Variants in SYCP1 observed in about 807,000 individuals in gnomAD.
The protein encoded by SYCP1 is cancer/testis antigen 8.
In SYCP1, 64 loss-of-function variants were observed where a neutral mutation model predicts 153.1. That is an observed-to-expected ratio of 0.42 (90% CI 0.34 to 0.51). The LOEUF (loss-of-function observed/expected upper bound fraction) is 0.51. SYCP1 is among the 20% of genes least tolerant of loss of function. The pLI is 0.06. For missense variants in SYCP1, 997 were observed against 1,049.0 expected (o/e 0.95, Z 0.68); for synonymous variants, 384 against 341.8 (o/e 1.12, Z -1.36).
intron 23 of SYCP1, among the ~76,000 whole-genome samples, chr1:114,943,702 C>T (rs1156713126): frequency 2.0e-5 from 3 of 151,550 alleles, no homozygotes; most frequent in Non-Finnish European, 3.0e-5. Context: ...ATTTTAAAGT[C>T]GATGATTGAC....
At chr1:114,949,348 T>C (rs1307923640) in intron 27 of SYCP1, among the ~76,000 whole-genome samples, 1 of 152,196 alleles carries the variant, frequency 6.6e-6, no homozygotes, top group Non-Finnish European at 1.5e-5. Flanking sequence ...GTCCAGTTCT[T>C]ATCGGGAATG....
intron 27 of SYCP1, among the ~76,000 whole-genome samples, chr1:114,976,163 G>T (rs1672780129): frequency 6.6e-6 from 1 of 151,778 alleles, no homozygotes; most frequent in Non-Finnish European, 1.5e-5. Context: ...GAAGGATGCA[G>T]TATGTATTTG....
chr1:114,964,490 G>A (rs560075707), intron 27 of SYCP1, among the ~76,000 whole-genome samples: 1 of 152,102 alleles, frequency 6.6e-6, no homozygotes, highest in African/African-American at 2.4e-5. Context: ...TTTTTTTCTA[G>A]GGTTTTTAAT....
At chr1:114,931,229 T>A (rs921803571) in intron 23 of SYCP1, among the ~76,000 whole-genome samples, 7 of 152,032 alleles carry the variant, frequency 4.6e-5, no homozygotes, top group Non-Finnish European at 1.0e-4. Flanking sequence ...CCACACCTAT[T>A]CAACATTGTA....
At chr1:114,946,015 G>T (rs1670681654) in intron 25 of SYCP1, among the ~76,000 whole-genome samples, 1 of 151,914 alleles carries the variant, frequency 6.6e-6, no homozygotes, top group Non-Finnish European at 1.5e-5. Context: ...AAAATTCAAT[G>T]TTTCCAAAGA....
intron 8 of SYCP1, among the ~76,000 whole-genome samples, chr1:114,864,998 T>C (rs1377000339): frequency 6.6e-6 from 1 of 152,220 alleles, no homozygotes; most frequent in Non-Finnish European, 1.5e-5. Flanking sequence ...TATCTCCTAA[T>C]GCTATCTTGT....
chr1:114,870,521 G>C (rs1665044885), intron 8 of SYCP1, among the ~76,000 whole-genome samples: 1 of 152,144 alleles, frequency 6.6e-6, no homozygotes, highest in South Asian at 2.1e-4. Flanking sequence ...AACAATAAGA[G>C]AAAAGACTTA....
At chr1:114,869,828 C>T (rs1245713656) in intron 8 of SYCP1, among the ~76,000 whole-genome samples, 3 of 152,146 alleles carry the variant, frequency 2.0e-5, no homozygotes, top group Non-Finnish European at 4.4e-5. Context: ...GATTTTCTGC[C>T]TGCTGGGTCT....
chr1:114,991,011 G>A, intron 30 of SYCP1, among the ~76,000 whole-genome samples: 1 of 151,852 alleles, frequency 6.6e-6, no homozygotes, highest in East Asian at 1.9e-4. Context: ...TGTATCCCTT[G>A]CATACAGATA....
In SYCP1 at chr1:114,946,388, T is replaced by A. The variant is rs778099268; in HGVS notation, c.2247+7T>A. The stretch of plus-strand genomic sequence containing the variant: ...ATCACTGAGAGCATCTTTGGTGAGA[T>A]ACAGAAAAAATTGCAGTAACGGCCA... On this transcript the variant is annotated splice_region_variant and intron_variant, in intron 26 of 31. Transcript: ENST00000369522. 2 of 1,568,370 alleles carry A rather than the reference T, an allele frequency of 1.3e-6. No individual in the cohort carries two copies. The highest frequency in any genetic ancestry group is 8.6e-7 in the Non-Finnish European group (1 of 1,158,454).
chr1:114,912,434 C>T (rs1668241658), intron 18 of SYCP1, among the ~76,000 whole-genome samples: 1 of 151,900 alleles, frequency 6.6e-6, no homozygotes, highest in Non-Finnish European at 1.5e-5. Flanking sequence ...GCCACATACT[C>T]CTCCGCCTTC....
Position 114,947,338 on chromosome 1 carries a change from A to T in SYCP1, c.2322+18A>T. 1.3e-6 allele frequency: 2 copies of T among 1,593,158 alleles called. No homozygotes were observed. The highest frequency in any genetic ancestry group is 1.7e-6 in the Non-Finnish European group (2 of 1,165,962). ...AAGAGAAGGTAGGTTTTTTGGCATT[A>T]TAGATAAAATGATTACAAGGTTTAG... On this transcript the variant is annotated intron_variant, in intron 27 of 31. Coordinates refer to ENST00000369522, the MANE Select transcript of SYCP1 (RefSeq NM_003176.4).
intron 29 of SYCP1, among the ~76,000 whole-genome samples, chr1:114,983,840 G>A (rs780110877): frequency 6.8e-4 from 103 of 151,976 alleles, no homozygotes; most frequent in Admixed American, 8.5e-4. Flanking sequence ...CTTTTATGGA[G>A]GAGTGAATTT....
chr1:114,925,885 GATGTTTTGATATATGTATAC>G (rs1253208919), intron 21 of SYCP1, among the ~76,000 whole-genome samples: 1 of 152,030 alleles, frequency 6.6e-6, no homozygotes, highest in East Asian at 1.9e-4. Flanking sequence ...TATACAAAGT[GATGTTTTGATATATGTATAC>G]ATTGTGAAAT....
chr1:114,988,213 TG>T lies in SYCP1; in HGVS notation c.2703+3352del, dbSNP rs541245512. On this transcript the variant is annotated intron_variant, in intron 30 of 31. Coordinates refer to ENST00000369522, the MANE Select transcript of SYCP1 (RefSeq NM_003176.4). The stretch of plus-strand genomic sequence containing the variant: ...AGGAGAAGAGGGAGAGAGGAAGAGG[TG>T]GGGGGGTAGACAGAGAGAGAAAAAG... Among the ~76,000 whole-genome samples, 88 of 145,920 alleles carry T rather than the reference TG, an allele frequency of 6.0e-4. 1 individual carries two copies. Among genetic ancestry groups the T allele is most frequent in the Non-Finnish European group, 9.5e-4 (63 of 66,482 alleles).
At chr1:114,857,597 G>C in intron 5 of SYCP1, 100 bp downstream of exon 5, 1 of 927,862 alleles carries the variant, frequency 1.1e-6, no homozygotes, top group Non-Finnish European at 1.5e-6. Context: ...ATTATTATTT[G>C]ATTAACGTTT....
At chr1:114,968,447 C>T (rs1034447132) in intron 27 of SYCP1, among the ~76,000 whole-genome samples, 5 of 152,144 alleles carry the variant, frequency 3.3e-5, no homozygotes, top group African/African-American at 1.2e-4. Flanking sequence ...TCTCTGATAT[C>T]GTTTCTTCCT....
intron 27 of SYCP1, among the ~76,000 whole-genome samples, chr1:114,967,465 G>A (rs1009435348): frequency 6.6e-6 from 1 of 152,182 alleles, no homozygotes; most frequent in Non-Finnish European, 1.5e-5. Context: ...TTGGTTTAAA[G>A]TCTGTTTTAT....
intron 10 of SYCP1, 135 bp from the exon 11 acceptor site, chr1:114,876,602 C>T (rs936949555): frequency 8.1e-6 from 3 of 370,190 alleles, no homozygotes; most frequent in African/African-American, 6.3e-5. Flanking sequence ...GCAATATTAG[C>T]TCATTACAAA....
Sources: allele counts gnomAD v4.1 joint callset (sites outside exome capture counted in the v4.1 genomes callset), GRCh38; gene constraint gnomAD v4.1.1; transcripts MANE v1.5; gene names NCBI Gene and HGNC (gene_info 2026-07-23, HGNC 2026-07-21).